ZMAT4: variants seen among roughly 807,000 people sequenced by gnomAD.
ZMAT4 encodes the protein zinc finger matrin-type protein 4.
A neutral mutation model predicts 28.7 loss-of-function variants in ZMAT4; 17 were observed. That is an observed-to-expected ratio of 0.59 (90% CI 0.41 to 0.89). ZMAT4 has a LOEUF of 0.89. Among genes scored for constraint, ZMAT4 ranks in the 40% least tolerant of loss-of-function variants. The probability of loss-of-function intolerance (pLI) is 0.00; values close to 1 mark genes in which losing one functional copy is unlikely to be tolerated. For synonymous variants in ZMAT4, 117 were observed against 109.2 expected, an observed-to-expected ratio of 1.07 and a Z score of -0.44; for missense variants, 240 against 283.8, an observed-to-expected ratio of 0.85 and a Z score of 1.11.
chr8:40,854,501 T>C (rs1017908581), intron 1 of ZMAT4, among the ~76,000 whole-genome samples: 3 of 152,222 alleles, frequency 2.0e-5, no homozygotes, highest in Non-Finnish European at 4.4e-5. Flanking sequence ...GTAAGAATTC[T>C]AAGTACTGAA....
At chr8:40,673,595 T>A (rs1808776688) in intron 5 of ZMAT4, among the ~76,000 whole-genome samples, 1 of 152,210 alleles carries the variant, frequency 6.6e-6, no homozygotes, top group East Asian at 1.9e-4. Context: ...TTTATTTTTC[T>A]GAGAAAAATG....
intron 5 of ZMAT4, among the ~76,000 whole-genome samples, chr8:40,628,845 C>T (rs1806468345): frequency 2.0e-5 from 3 of 152,048 alleles, no homozygotes; most frequent in Admixed American, 6.6e-5. Flanking sequence ...AGAAAAATGC[C>T]AACATAGATC....
chr8:40,824,326 TC>T (rs1479411196), intron 2 of ZMAT4, among the ~76,000 whole-genome samples: 1 of 152,240 alleles, frequency 6.6e-6, no homozygotes, highest in Non-Finnish European at 1.5e-5. Context: ...GTGCCTGTAG[TC>T]CCAGCTGCTC....
chr8:40,815,903 C>T (rs2150600719), intron 2 of ZMAT4, among the ~76,000 whole-genome samples: 1 of 152,324 alleles, frequency 6.6e-6, no homozygotes, highest in East Asian at 1.9e-4. Context: ...CGGCAGCTCC[C>T]AAACACTCGG....
intron 3 of ZMAT4, among the ~76,000 whole-genome samples, chr8:40,754,310 G>A (rs1365797076): frequency 6.6e-6 from 1 of 152,156 alleles, no homozygotes; most frequent in African/African-American, 2.4e-5. Flanking sequence ...AAGACCCATG[G>A]CACTATCTCC....
chr8:40,665,486 G>A (rs1047927351), intron 5 of ZMAT4, among the ~76,000 whole-genome samples: 3 of 152,108 alleles, frequency 2.0e-5, no homozygotes, highest in African/African-American at 7.2e-5. Context: ...CTCTCACCCA[G>A]GCCCCCATGA....
At chr8:40,574,880 T>A (rs1036126247) in intron 6 of ZMAT4, among the ~76,000 whole-genome samples, 7 of 152,188 alleles carry the variant, frequency 4.6e-5, no homozygotes, top group Admixed American at 1.3e-4. Flanking sequence ...ATGCTTAGAA[T>A]TCTTGTGGCT....
chr8:40,611,332 G>A lies in ZMAT4; in HGVS notation c.578-30071C>T, dbSNP rs547706713. The stretch of plus-strand genomic sequence containing the variant: ...CTGGAACTTTTACATATTATCTGTA[G>A]AATATATCTGATATCAGAAACTCAC... On this transcript the variant is annotated intron_variant, in intron 5 of 6. Coordinates refer to ENST00000297737, the MANE Select transcript of ZMAT4 (RefSeq NM_024645.3). Among the ~76,000 whole-genome samples the A allele has an allele frequency of 2.0e-5, 3 of 151,960 alleles. No homozygotes were observed. The East Asian group carries it at 5.8e-4, about 29-fold the overall frequency.
At chr8:40,895,857 C>T (rs1818851198) in intron 1 of ZMAT4, among the ~76,000 whole-genome samples, 1 of 152,220 alleles carries the variant, frequency 6.6e-6, no homozygotes, top group South Asian at 2.1e-4. Context: ...TGGGGGCTGC[C>T]CCTCCTGGGC....
At chr8:40,601,372 T>C (rs528486838) in intron 5 of ZMAT4, among the ~76,000 whole-genome samples, 10 of 130,314 alleles carry the variant, frequency 7.7e-5, no homozygotes, top group Non-Finnish European at 1.6e-4. Flanking sequence ...AAGAGGCTGA[T>C]AGCCAAAAGA....
At chr8:40,782,779 T>C (rs1813892040) in intron 2 of ZMAT4, among the ~76,000 whole-genome samples, 1 of 152,164 alleles carries the variant, frequency 6.6e-6, no homozygotes, top group African/African-American at 2.4e-5. Context: ...ATACAAATGG[T>C]CAATAAGTTG....
chr8:40,631,330 G>A (rs1806572947), intron 5 of ZMAT4, among the ~76,000 whole-genome samples: 1 of 152,084 alleles, frequency 6.6e-6, no homozygotes, highest in South Asian at 2.1e-4. Flanking sequence ...GCTAATTTTT[G>A]TATTTTTAGT....
intron 4 of ZMAT4, among the ~76,000 whole-genome samples, chr8:40,679,679 G>A (rs1251590864): frequency 2.0e-5 from 3 of 152,150 alleles, no homozygotes; most frequent in Non-Finnish European, 4.4e-5. Context: ...TGGAGATTAT[G>A]AGAACTACAA....
At chr8:40,730,008 A>T (rs1811470338) in intron 3 of ZMAT4, among the ~76,000 whole-genome samples, 1 of 152,238 alleles carries the variant, frequency 6.6e-6, no homozygotes, top group Non-Finnish European at 1.5e-5. Flanking sequence ...TAAAATCTGC[A>T]GACCTGTGAT....
chr8:40,846,435 CAAGGCTG>C (rs1241348755), intron 1 of ZMAT4, among the ~76,000 whole-genome samples: 1 of 152,234 alleles, frequency 6.6e-6, no homozygotes, highest in Non-Finnish European at 1.5e-5. Flanking sequence ...GTGTCCTGGG[CAAGGCTG>C]AAGCTGCCGC....
chr8:40,634,804 G>A (rs759103528), intron 5 of ZMAT4, among the ~76,000 whole-genome samples: 8 of 152,112 alleles, frequency 5.3e-5, no homozygotes, highest in South Asian at 2.1e-4. Flanking sequence ...GTATAAAAGC[G>A]TCTAAAGAAT....
chr8:40,591,776 C>A (rs1804902163), intron 5 of ZMAT4, among the ~76,000 whole-genome samples: 1 of 152,110 alleles, frequency 6.6e-6, no homozygotes, highest in Non-Finnish European at 1.5e-5. Flanking sequence ...AGAAAGCTTT[C>A]CTAAGAGGAT....
intron 3 of ZMAT4, among the ~76,000 whole-genome samples, chr8:40,757,726 T>C (rs931757129): frequency 6.6e-6 from 1 of 152,078 alleles, no homozygotes; most frequent in Non-Finnish European, 1.5e-5. Context: ...CTTGCGATGG[T>C]TAATATTGGG....
intron 5 of ZMAT4, among the ~76,000 whole-genome samples, chr8:40,601,485 G>GAAAGAAA (rs1554525395): frequency 0.012 from 1,551 of 133,320 alleles, 189 homozygotes; most frequent in African/African-American, 0.015. Flanking sequence ...AAGAAAGAAA[G>GAAAGAAA]AAAGAAAGAG....
Sources: allele counts gnomAD v4.1 joint callset (sites outside exome capture counted in the v4.1 genomes callset), GRCh38; gene constraint gnomAD v4.1.1; transcripts MANE v1.5; gene names NCBI Gene and HGNC (gene_info 2026-07-23, HGNC 2026-07-21).